Variants in SPTBN4 observed in about 807,000 individuals in gnomAD.
SPTBN4 encodes the protein spectrin beta, non-erythrocytic 4.
In SPTBN4, 96 loss-of-function variants were observed where a neutral mutation model predicts 277.8. That is an observed-to-expected ratio of 0.35 (90% CI 0.29 to 0.41). The LOEUF is 0.41. Ranked by LOEUF, SPTBN4 falls within the 10% of genes least tolerant of loss-of-function variation. The pLI is 1.00. For synonymous variants in SPTBN4, 1,481 were observed against 1,580.3 expected (o/e 0.94, Z 1.49); for missense variants, 3,006 against 3,595.7 (o/e 0.84, Z 4.19).
At chr19:40,567,245 C>T (rs989862913) in intron 30 of SPTBN4, 16 of 351,384 alleles carry the variant, frequency 4.6e-5, no homozygotes, top group East Asian at 8.8e-5. Context: ...CTGCAATGAG[C>T]TATGATCTTG....
chr19:40,512,872 G>A lies in SPTBN4; in HGVS notation c.2083G>A (p.Ala695Thr). Residue 695 changes from alanine to threonine, a missense_variant, in exon 14 of 36, where the codon GCG becomes ACG. Ala to Thr is a moderately conservative substitution (Grantham distance 58). Transcript: ENST00000598249. ...CGGCGCGCATGACCTGTCCAGCACA[G>A]CGCGCCTCCTGGCCCAGCACAAGAT... ...AGGAHDLSST[A>T]RLLAQHKILQ... The A allele has an allele frequency of 6.9e-7, 1 of 1,447,186 alleles. No homozygotes were observed. Among genetic ancestry groups the A allele is most frequent in the Non-Finnish European group, 9.0e-7 (1 of 1,112,102 alleles). The allele number at this position is 1,447,186 out of a possible 1,614,324, so 89.6% of individuals were successfully genotyped here. A position where few individuals can be genotyped will look rare whatever the true frequency, so the allele number is the denominator to read the frequency against.
intron 20 of SPTBN4, among the ~76,000 whole-genome samples, chr19:40,541,864 C>G (rs814513): frequency 0.17 from 25,294 of 151,656 alleles, 2,254 homozygotes; most frequent in African/African-American, 0.21. Flanking sequence ...CCAGCCTCCC[C>G]AGTAGCTGGG....
At chr19:40,571,281 A>G (rs1287079452) in intron 33 of SPTBN4, among the ~76,000 whole-genome samples, 1 of 152,176 alleles carries the variant, frequency 6.6e-6, no homozygotes, top group Non-Finnish European at 1.5e-5. Context: ...GAAAACGGGC[A>G]GAGCCCAAAC....
chr19:40,545,120 G>A (rs1599789223), intron 20 of SPTBN4, among the ~76,000 whole-genome samples: 1 of 151,146 alleles, frequency 6.6e-6, no homozygotes, highest in South Asian at 2.1e-4. Flanking sequence ...TTTCAGGATG[G>A]AGTCTTGCTG....
intron 2 of SPTBN4, 24 bp downstream of exon 2, chr19:40,472,814 G>A (rs1402027114): frequency 6.6e-7 from 1 of 1,526,232 alleles, no homozygotes; most frequent in Non-Finnish European, 8.9e-7. Context: ...GGCTGGGGTG[G>A]GATGAGGAGG....
Position 40,513,484 on chromosome 19 carries a change from G to C in SPTBN4, c.2695G>C (p.Glu899Gln). 1 of 1,601,266 alleles carries C rather than the reference G, an allele frequency of 6.2e-7. No homozygotes were observed. The highest frequency in any genetic ancestry group is 2.2e-5 in the East Asian group (1 of 44,826). The change falls in exon 14 of 36, where the codon GAG becomes CAG. Residue 899 changes from glutamate to glutamine, a missense_variant. Around this residue, in one of 5 missense-constraint regions of SPTBN4, gnomAD observed 1,759 missense variants for 2,061.5 expected, o/e 0.85. Coordinates refer to ENST00000598249, the MANE Select transcript of SPTBN4 (RefSeq NM_020971.3). ...EVHACELWIG[E>Q]KEQWLLSMRV... ...GCACGCGTGTGAGCTGTGGATCGGC[G>C]AGAAGGAGCAATGGCTGCTCTCCAT...
chr19:40,505,770 G>A (rs370038664), intron 12 of SPTBN4, among the ~76,000 whole-genome samples: 1 of 151,910 alleles, frequency 6.6e-6, no homozygotes, highest in Admixed American at 6.6e-5. Context: ...AAGGTGAACA[G>A]GAGACACAGA....
Position 40,529,109 on chromosome 19 carries a change from A to G in SPTBN4, c.3926A>G (p.His1309Arg), listed in dbSNP as rs752342369. The change falls in exon 18 of 36, where the codon CAC becomes CGC. Residue 1309 changes from histidine (H) to arginine (R), a missense_variant. By Grantham distance (29) the His-to-Arg change is conservative. This residue lies in a region of SPTBN4 where 1,759 missense variants were observed against 2,061.5 expected (regional missense o/e 0.85). Transcript: ENST00000598249. ...CTACATGACCAACTTGAGCTGCAGCACTTCCTCCGAGACTGCCACGAGGTA... is the reference window on the plus strand; with the variant it reads ...CTACATGACCAACTTGAGCTGCAGCGCTTCCTCCGAGACTGCCACGAGGTA... ...QKLHDQLELQHFLRDCHELDG... is the reference protein window; with the variant it reads ...QKLHDQLELQRFLRDCHELDG... 5 of 1,613,996 alleles carry G rather than the reference A, an allele frequency of 3.1e-6. No individual in the cohort carries two copies. The South Asian group carries it at 5.5e-5, about 18-fold the overall frequency.
intron 25 of SPTBN4, among the ~76,000 whole-genome samples, chr19:40,556,559 T>C (rs113806933): frequency 1.8e-4 from 28 of 151,526 alleles, no homozygotes; most frequent in African/African-American, 6.6e-4. Flanking sequence ...TGCCAGGTGT[T>C]CAGTAAGTGT....
At chr19:40,486,315 G>A (rs1256510107) in intron 2 of SPTBN4, among the ~76,000 whole-genome samples, 1 of 152,102 alleles carries the variant, frequency 6.6e-6, no homozygotes, top group Non-Finnish European at 1.5e-5. Flanking sequence ...GGAGGGGTTG[G>A]GAAACAGCAA....
At chr19:40,569,376 G>C (rs1442756504) in intron 31 of SPTBN4, among the ~76,000 whole-genome samples, 1 of 145,098 alleles carries the variant, frequency 6.9e-6, no homozygotes, top group Non-Finnish European at 1.5e-5. Flanking sequence ...AGTGAGCCGA[G>C]ATCATGCACC....
At chr19:40,526,153 T>TGTGAGGTG (rs2080588556) in intron 17 of SPTBN4, among the ~76,000 whole-genome samples, 1 of 148,472 alleles carries the variant, frequency 6.7e-6, no homozygotes, top group African/African-American at 2.5e-5. Context: ...GGAACCTGTG[T>TGTGAGGTG]GTGAGGTGCT....
chr19:40,570,347 A>T, intron 32 of SPTBN4, 89 bp from the exon 33 acceptor site: 1 of 826,068 alleles, frequency 1.2e-6, no homozygotes, highest in South Asian at 1.9e-5. Context: ...CTGTAGACAG[A>T]TGGGACCCCA....
intron 20 of SPTBN4, among the ~76,000 whole-genome samples, chr19:40,538,649 G>A (rs1282922722): frequency 3.3e-5 from 5 of 152,114 alleles, no homozygotes; most frequent in Non-Finnish European, 7.4e-5. Context: ...GTGCAATGGC[G>A]TGATCATGGC....
Position 40,515,293 on chromosome 19 carries a change from A to G in SPTBN4, c.2766-18A>G, listed in dbSNP as rs1434650927. 1 of 1,611,728 alleles carries G rather than the reference A, an allele frequency of 6.2e-7. No homozygotes were observed. Among genetic ancestry groups the G allele is most frequent in the Admixed American group, 1.7e-5 (1 of 59,666 alleles). On this transcript the variant is annotated intron_variant, in intron 14 of 35. Coordinates refer to ENST00000598249, the MANE Select transcript of SPTBN4 (RefSeq NM_020971.3). This position sits in a 1 kb window ranked among gnomAD's most constrained non-coding sequence, Gnocchi z 4.1. ...GTCCGCAGGGTTCGGGTGTCTGAGC[A>G]TCTCCATCCTCCTGCAGATTCGAGA...
At chr19:40,553,351 G>A (rs1432736334) in intron 22 of SPTBN4, among the ~76,000 whole-genome samples, 1 of 152,084 alleles carries the variant, frequency 6.6e-6, no homozygotes, top group Non-Finnish European at 1.5e-5. Context: ...GCATGGTGGT[G>A]CACACCTGTA....
Position 40,519,262 on chromosome 19 carries a change from C to G in SPTBN4, c.2904-139C>G. 2.3e-6 allele frequency: 2 copies of G among 855,670 alleles called. No individual in the cohort carries two copies. The highest frequency in any genetic ancestry group is 3.2e-6 in the Non-Finnish European group (2 of 617,746). The allele number at this position is 855,670 out of a possible 1,614,324, so 53.0% of individuals were successfully genotyped here. ...GTGCTGCGTAGGGTTCCATTTTACACCGGCAGAAACTGGAGAAACTTTCTG... is the reference window on the plus strand; with the variant it reads ...GTGCTGCGTAGGGTTCCATTTTACAGCGGCAGAAACTGGAGAAACTTTCTG... On this transcript the variant is annotated intron_variant, in intron 15 of 35. Coordinates refer to ENST00000598249, the MANE Select transcript of SPTBN4 (RefSeq NM_020971.3). This position sits in a 1 kb window ranked among gnomAD's most constrained non-coding sequence, Gnocchi z 5.7.
intron 13 of SPTBN4, among the ~76,000 whole-genome samples, chr19:40,508,921 TGC>T (rs1226831545): frequency 6.6e-6 from 1 of 152,030 alleles, no homozygotes; most frequent in African/African-American, 2.4e-5. Flanking sequence ...GGCGAGGGGA[TGC>T]GTGGTCATTT....
At chr19:40,498,927 C>G (rs758146005) in intron 7 of SPTBN4, among the ~76,000 whole-genome samples, 53 of 151,788 alleles carry the variant, frequency 3.5e-4, no homozygotes, top group Non-Finnish European at 2.7e-4. Flanking sequence ...GTCTCAAACT[C>G]CTGACCTCAG....
Sources: gnomAD v4.1 joint callset for allele counts (sites outside exome capture counted in the v4.1 genomes callset) on GRCh38, gnomAD v4.1.1 for gene constraint, gnomAD v4.1.1 regional missense constraint, Gnocchi (gnomAD v3.1) non-coding constraint, MANE v1.5 for transcripts, NCBI Gene and HGNC (gene_info 2026-07-23, HGNC 2026-07-21) for gene names.